Variants in ENPP6 observed in about 807,000 individuals in gnomAD.
ENPP6 encodes ectonucleotide pyrophosphatase/phosphodiesterase 6.
A neutral mutation model predicts 42.0 loss-of-function variants in ENPP6; 32 were observed. The ratio of observed to expected loss-of-function variants is 0.76; its 90% CI spans 0.58 to 1.02. ENPP6 has a LOEUF of 1.02. Among genes scored for constraint, ENPP6 ranks in the 50% least tolerant of loss-of-function variants. The pLI, the probability that ENPP6 is intolerant of heterozygous loss-of-function variation, is 0.00. For missense variants in ENPP6, 552 were observed against 566.8 expected (o/e 0.97, Z 0.27); for synonymous variants, 213 against 216.0 (o/e 0.99, Z 0.12).
chr4:184,178,805 T>A (rs924771801), intron 1 of ENPP6, among the ~76,000 whole-genome samples: 10 of 152,102 alleles, frequency 6.6e-5, no homozygotes, highest in African/African-American at 2.2e-4. Flanking sequence ...GAAATAAAAT[T>A]CTGTTTGGAC....
chr4:184,141,544 T>C (rs1266563943), intron 2 of ENPP6, among the ~76,000 whole-genome samples: 1 of 152,226 alleles, frequency 6.6e-6, no homozygotes, highest in Non-Finnish European at 1.5e-5. Context: ...TTAGCTTTAT[T>C]CTGTCTTGTT....
intron 1 of ENPP6, among the ~76,000 whole-genome samples, chr4:184,183,699 T>C (rs1732590247): frequency 6.6e-6 from 1 of 152,248 alleles, no homozygotes; most frequent in South Asian, 2.1e-4. Context: ...TAAAGTTTTT[T>C]ACCAAACATG....
chr4:184,171,125 G>T (rs1234984614), intron 1 of ENPP6, among the ~76,000 whole-genome samples: 2 of 152,344 alleles, frequency 1.3e-5, no homozygotes, highest in African/African-American at 4.8e-5. Flanking sequence ...GGAAGGGAAA[G>T]CTCCTCTCTG....
In ENPP6 at chr4:184,112,819, A is replaced by G. The variant is rs1560981511; in HGVS notation, c.856-10T>C. On this transcript the variant is annotated splice_polypyrimidine_tract_variant and intron_variant, in intron 5 of 7. Coordinates refer to ENST00000296741, the MANE Select transcript of ENPP6 (RefSeq NM_153343.4). ...TCAGTTTGTTATATATCTGCAAAGAAAATCAAGAGTGATCAGTTTGACACT... is the reference window on the plus strand; with the variant it reads ...TCAGTTTGTTATATATCTGCAAAGAGAATCAAGAGTGATCAGTTTGACACT... 2 of 1,611,894 alleles carry G rather than the reference A, an allele frequency of 1.2e-6. No individual in the cohort carries two copies. Among genetic ancestry groups the G allele is most frequent in the Middle Eastern group, 1.7e-4 (1 of 6,052 alleles).
rs1185872861 is a variant in ENPP6 at position 184,208,937 on chromosome 4, C to T, written c.241+8642G>A. 7.2e-3 allele frequency among the ~76,000 whole-genome samples: 1,033 copies of T among 143,436 alleles called. 14 individuals carry two copies. Among genetic ancestry groups the T allele is most frequent in the East Asian group, 0.026 (130 of 4,948 alleles). The allele number at this position is 143,436 out of a possible 152,430, so 94.1% of individuals were successfully genotyped here. On this transcript the variant is annotated intron_variant, in intron 1 of 7. Coordinates refer to ENST00000296741, the MANE Select transcript of ENPP6 (RefSeq NM_153343.4). ...AAGTGGGTCCCTGACCCCTGACCCC[C>T]GAGCAGCCTAACTGGGAGGCACCCC...
chr4:184,095,750 A>G (rs990834792), intron 7 of ENPP6, among the ~76,000 whole-genome samples: 2 of 151,714 alleles, frequency 1.3e-5, no homozygotes, highest in Non-Finnish European at 2.9e-5. Context: ...CTTTGCATTC[A>G]TGATCCTATT....
intron 1 of ENPP6, among the ~76,000 whole-genome samples, chr4:184,168,229 G>A (rs1012363125): frequency 1.3e-5 from 2 of 152,084 alleles, no homozygotes; most frequent in African/African-American, 2.4e-5. Context: ...TTTTTTCAGA[G>A]TTAAGTGGTT....
rs760086593 is a variant in ENPP6, at chr4:184,124,173, A to G, written c.521T>C (p.Leu174Pro). ...INFANAVSDA[L>P]DSFKSGRADL... ...TTGGGACACTTACTTGAAGGAGTCA[A>G]GAGCATCGCTGACTGCATTGGCAAA... Residue 174 changes from leucine (L) to proline (P), a missense_variant, in exon 3 of 8, where the codon CTT becomes CCT. Physicochemically the swap from Leu to Pro is moderately conservative, Grantham distance 98. Coordinates refer to ENST00000296741, the MANE Select transcript of ENPP6 (RefSeq NM_153343.4). The G allele has an allele frequency of 6.2e-7, 1 of 1,613,772 alleles. No individual in the cohort carries two copies. The highest frequency in any genetic ancestry group is 8.5e-7 in the Non-Finnish European group (1 of 1,179,704).
chr4:184,195,859 T>A (rs1882329), intron 1 of ENPP6, among the ~76,000 whole-genome samples: 1 of 152,286 alleles, frequency 6.6e-6, no homozygotes, highest in African/African-American at 2.4e-5. Flanking sequence ...TTCCCCTAGG[T>A]TTAGCTTAGA....
At chr4:184,165,937 G>A (rs560553126) in intron 1 of ENPP6, among the ~76,000 whole-genome samples, 2 of 152,330 alleles carry the variant, frequency 1.3e-5, no homozygotes, top group East Asian at 3.9e-4. Flanking sequence ...AGCATTTGGA[G>A]GTGTAAAGAT....
rs541398633 is a variant in ENPP6, at chr4:184,089,186, T to G, written c.*1991A>C. ...GCTGAAGAGTTGCCTTCTTTCCAAT[T>G]GATCCGATGGTTTACTGGCGCTTTT... On this transcript the variant is annotated 3_prime_UTR_variant, in exon 8 of 8. Transcript: ENST00000296741. 6.6e-6 allele frequency: 1 copy of G among 152,344 alleles called. No homozygotes were observed. Among genetic ancestry groups the G allele is most frequent in the South Asian group, 2.1e-4 (1 of 4,818 alleles). The allele number at this position is 152,344 out of a possible 1,614,324, so 9.4% of individuals were successfully genotyped here.
intron 6 of ENPP6, among the ~76,000 whole-genome samples, chr4:184,102,269 C>T (rs1188925390): frequency 3.3e-5 from 5 of 152,234 alleles, no homozygotes; most frequent in South Asian, 2.1e-4. Context: ...GGGGAGCACA[C>T]TCAGAAATGC....
intron 1 of ENPP6, among the ~76,000 whole-genome samples, chr4:184,185,179 C>T (rs2111103478): frequency 6.6e-6 from 1 of 152,276 alleles, no homozygotes; most frequent in South Asian, 2.1e-4. Flanking sequence ...TTCAGAGTAG[C>T]CGGGAGTAGA....
intron 1 of ENPP6, among the ~76,000 whole-genome samples, chr4:184,168,855 C>CG (rs1211015089): frequency 6.6e-6 from 1 of 152,218 alleles, no homozygotes; most frequent in African/African-American, 2.4e-5. Flanking sequence ...AACCTGGAGC[C>CG]GGGGCCTTGC....
At chr4:184,208,937 C>CT (rs1423257444) in intron 1 of ENPP6, among the ~76,000 whole-genome samples, 4 of 143,412 alleles carry the variant, frequency 2.8e-5, no homozygotes, top group Admixed American at 1.4e-4. Context: ...CCCTGACCCC[C>CT]GAGCAGCCTA....
At chr4:184,103,340 C>T (rs1736036265) in intron 6 of ENPP6, among the ~76,000 whole-genome samples, 1 of 152,228 alleles carries the variant, frequency 6.6e-6, no homozygotes, top group Admixed American at 6.5e-5. Flanking sequence ...AACAGGTCTC[C>T]AGGGAACTGG....
At chr4:184,200,338 G>A (rs946191740) in intron 1 of ENPP6, among the ~76,000 whole-genome samples, 4 of 152,168 alleles carry the variant, frequency 2.6e-5, no homozygotes, top group South Asian at 2.1e-4. Flanking sequence ...CCATCGCCGC[G>A]TTTCCTTACC....
rs1195959309 is a variant in ENPP6 at position 184,090,260 on chromosome 4, T to C, written c.*917A>G. On this transcript the variant is annotated 3_prime_UTR_variant, in exon 8 of 8. Coordinates refer to ENST00000296741, the MANE Select transcript of ENPP6 (RefSeq NM_153343.4). ...GCCAGCCCTTTCCCAGGCTATAATG[T>C]CATGTCAGGGATTGCTCTTGTCTGC... 6.6e-6 allele frequency: 1 copy of C among 151,842 alleles called. No homozygotes were observed. Among genetic ancestry groups the C allele is most frequent in the Non-Finnish European group, 1.5e-5 (1 of 68,028 alleles). The allele number at this position is 151,842 out of a possible 1,614,324, so 9.4% of individuals were successfully genotyped here.
intron 1 of ENPP6, among the ~76,000 whole-genome samples, chr4:184,174,172 C>CTA (rs1245706041): frequency 4.1e-5 from 6 of 145,168 alleles, no homozygotes; most frequent in African/African-American, 1.5e-4. Context: ...GAATCTCACT[C>CTA]TGTCACCGAG....
Sources: allele counts gnomAD v4.1 joint callset (sites outside exome capture counted in the v4.1 genomes callset), GRCh38; gene constraint gnomAD v4.1.1; transcripts MANE v1.5; gene names NCBI Gene and HGNC (gene_info 2026-07-23, HGNC 2026-07-21).